AUTS2: variants seen among roughly 807,000 people sequenced by gnomAD.
AUTS2 encodes activator of transcription and developmental regulator AUTS2, also known as autism susceptibility gene 2 protein.
In AUTS2, 17 loss-of-function variants were observed where a neutral mutation model predicts 112.4. The observed-to-expected ratio is 0.15, with a 90% CI of 0.10 to 0.23. The LOEUF (loss-of-function observed/expected upper bound fraction) is 0.23. AUTS2 is among the 10% of genes least tolerant of loss of function. The pLI is 1.00. For synonymous variants in AUTS2, 751 were observed against 702.7 expected, an observed-to-expected ratio of 1.07 and a Z score of -1.09; for missense variants, 1,510 against 1,701.6, an observed-to-expected ratio of 0.89 and a Z score of 1.98.
intron 1 of AUTS2, among the ~76,000 whole-genome samples, chr7:69,885,414 G>A (rs187133620): frequency 6.6e-6 from 1 of 152,296 alleles, no homozygotes; most frequent in Admixed American, 6.5e-5. Context: ...TATTGACAAT[G>A]TGAATTTTTC....
At chr7:70,157,821 T>C (rs1295789119) in intron 4 of AUTS2, among the ~76,000 whole-genome samples, 1 of 151,930 alleles carries the variant, frequency 6.6e-6, no homozygotes, top group Non-Finnish European at 1.5e-5. Flanking sequence ...ACTTTGAAAA[T>C]TCCACCTGCT....
At chr7:69,979,290 T>C (rs1360426493) in intron 2 of AUTS2, among the ~76,000 whole-genome samples, 1 of 152,180 alleles carries the variant, frequency 6.6e-6, no homozygotes, top group Non-Finnish European at 1.5e-5. Context: ...CCTTTGCTAG[T>C]TGGTGGAGGA....
chr7:70,232,369 G>T (rs1352280268), intron 4 of AUTS2, among the ~76,000 whole-genome samples: 1 of 151,628 alleles, frequency 6.6e-6, no homozygotes, highest in Non-Finnish European at 1.5e-5. Context: ...TTTTAACGTG[G>T]TCAGCAACAT....
At chr7:69,681,189 A>G (rs941354781) in intron 1 of AUTS2, among the ~76,000 whole-genome samples, 4 of 152,162 alleles carry the variant, frequency 2.6e-5, no homozygotes, top group Non-Finnish European at 5.9e-5. Context: ...CCTCTTGGCT[A>G]TTGTGAATTA....
At chr7:70,350,315 T>G (rs1432053522) in intron 4 of AUTS2, among the ~76,000 whole-genome samples, 1 of 152,224 alleles carries the variant, frequency 6.6e-6, no homozygotes, top group Non-Finnish European at 1.5e-5. Flanking sequence ...ATTTCATATA[T>G]ATACCAAAAT....
At chr7:70,731,853 G>C (rs1158394668) in intron 6 of AUTS2, among the ~76,000 whole-genome samples, 2 of 151,990 alleles carry the variant, frequency 1.3e-5, no homozygotes, top group Non-Finnish European at 2.9e-5. Context: ...CCACTTGAAG[G>C]TAAGATATAT....
intron 4 of AUTS2, among the ~76,000 whole-genome samples, chr7:70,396,651 A>G (rs1290629597): frequency 6.6e-6 from 1 of 152,206 alleles, no homozygotes; most frequent in African/African-American, 2.4e-5. Context: ...TGTTGGGACT[A>G]CAGGTGTGAG....
At position 70,318,256 on chromosome 7, in the gene AUTS2, A is replaced by C. The variant is rs147468251; in HGVS notation, c.661-117496A>C. Reference sequence around the variant, plus strand: ...CTAATTCATAGGTAGAGTGTAGGACAGAAATGGATGGGGACTGGAGGCCAG... The same window carrying C: ...CTAATTCATAGGTAGAGTGTAGGACCGAAATGGATGGGGACTGGAGGCCAG... On this transcript the variant is annotated intron_variant, in intron 4 of 18. Coordinates refer to ENST00000342771, the MANE Select transcript of AUTS2 (RefSeq NM_015570.4). Among the ~76,000 whole-genome samples the C allele has an allele frequency of 1.8e-3, 279 of 152,236 alleles. 1 individual carries two copies. The highest frequency in any genetic ancestry group is 6.5e-3 in the African/African-American group (270 of 41,552).
At chr7:70,731,633 G>A (rs1787403096) in intron 6 of AUTS2, among the ~76,000 whole-genome samples, 1 of 151,630 alleles carries the variant, frequency 6.6e-6, no homozygotes, top group Admixed American at 6.6e-5. Flanking sequence ...GTTTCACCAT[G>A]TTAGCCAGGA....
intron 6 of AUTS2, among the ~76,000 whole-genome samples, chr7:70,721,950 T>G (rs10279132): frequency 0.3 from 46,160 of 152,140 alleles, 8,065 homozygotes; most frequent in East Asian, 0.69. Context: ...AAGTTAGCTG[T>G]GATTCTGTAA....
chr7:70,644,313 T>C (rs1160950092), intron 5 of AUTS2, among the ~76,000 whole-genome samples: 1 of 152,142 alleles, frequency 6.6e-6, no homozygotes, highest in Non-Finnish European at 1.5e-5. Context: ...GAGGGAGTCG[T>C]CAGGGAAGAC....
intron 4 of AUTS2, among the ~76,000 whole-genome samples, chr7:70,386,013 G>A (rs981440623): frequency 9.2e-5 from 14 of 152,164 alleles, no homozygotes; most frequent in African/African-American, 3.4e-4. Context: ...AGATATTCTA[G>A]TTATAAGGCC....
chr7:70,523,005 C>T (rs1206104015), intron 5 of AUTS2, among the ~76,000 whole-genome samples: 2 of 152,234 alleles, frequency 1.3e-5, no homozygotes, highest in East Asian at 3.8e-4. Context: ...ACCGCCATTT[C>T]TTCAGGATTC....
intron 4 of AUTS2, among the ~76,000 whole-genome samples, chr7:70,137,912 A>G: frequency 6.6e-6 from 1 of 152,184 alleles, no homozygotes; most frequent in East Asian, 1.9e-4. Context: ...CTTTCTCAGG[A>G]GCACAGCTTT....
intron 5 of AUTS2, among the ~76,000 whole-genome samples, chr7:70,513,335 A>T (rs1411770834): frequency 6.6e-6 from 1 of 152,254 alleles, no homozygotes; most frequent in Admixed American, 6.5e-5. Context: ...AAATGAATAA[A>T]TGGAGAGCAC....
chr7:70,686,967 C>G (rs1437437117), intron 5 of AUTS2, among the ~76,000 whole-genome samples: 1 of 152,192 alleles, frequency 6.6e-6, no homozygotes, highest in Non-Finnish European at 1.5e-5. Flanking sequence ...TGATGACTGA[C>G]TTACACATTG....
intron 4 of AUTS2, among the ~76,000 whole-genome samples, chr7:70,172,184 A>T (rs1353840397): frequency 6.6e-6 from 1 of 152,080 alleles, no homozygotes; most frequent in African/African-American, 2.4e-5. Flanking sequence ...GGAGTGGTGG[A>T]TCTATGGCCT....
intron 1 of AUTS2, among the ~76,000 whole-genome samples, chr7:69,817,785 G>A (rs1790826292): frequency 6.6e-6 from 1 of 152,202 alleles, no homozygotes; most frequent in African/African-American, 2.4e-5. Flanking sequence ...GGAGGCAGGT[G>A]CTGTCCCCTC....
intron 1 of AUTS2, among the ~76,000 whole-genome samples, chr7:69,690,117 C>T (rs1163135719): frequency 6.6e-6 from 1 of 152,184 alleles, no homozygotes; most frequent in Non-Finnish European, 1.5e-5. Flanking sequence ...TCTGTTACTG[C>T]TGTATCCATA....
Sources: gnomAD v4.1 joint callset for allele counts (sites outside exome capture counted in the v4.1 genomes callset) on GRCh38, gnomAD v4.1.1 for gene constraint, MANE v1.5 for transcripts, NCBI Gene and HGNC (gene_info 2026-07-23, HGNC 2026-07-21) for gene names.